RYR2: variants seen among roughly 807,000 people sequenced by gnomAD.
RYR2 encodes cardiac muscle ryanodine receptor-calcium release channel.
In RYR2, 227 loss-of-function variants were observed where a neutral mutation model predicts 601.1. That is an observed-to-expected ratio of 0.38 (90% confidence interval 0.34 to 0.42). RYR2 has a LOEUF of 0.42. RYR2 is among the 10% of genes least tolerant of loss of function. The probability of loss-of-function intolerance (pLI) is 1.00; values close to 1 mark genes in which losing one functional copy is unlikely to be tolerated. For synonymous variants in RYR2, 2,223 were observed against 2,175.1 expected (o/e 1.02, Z -0.61); for missense variants, 4,646 against 6,156.5 (o/e 0.75, Z 8.21).
intron 6 of RYR2, 60 bp downstream of exon 6, chr1:237,369,668 G>A: frequency 7.5e-7 from 1 of 1,329,494 alleles, no homozygotes; most frequent in South Asian, 1.3e-5. Context: ...GGGGTACATG[G>A]TCTGCAAATG....
intron 63 of RYR2, among the ~76,000 whole-genome samples, chr1:237,694,533 A>G (rs1258526231): frequency 6.6e-6 from 1 of 152,162 alleles, no homozygotes; most frequent in African/African-American, 2.4e-5. Context: ...TCCTGGATTT[A>G]ACTTATTATA....
intron 14 of RYR2, among the ~76,000 whole-genome samples, chr1:237,448,792 G>A (rs959547981): frequency 6.6e-6 from 1 of 151,530 alleles, no homozygotes; most frequent in African/African-American, 2.4e-5. Context: ...TATGAACATA[G>A]CCCCTCTAGT....
In RYR2 at chr1:237,491,786, T is replaced by G. The variant is rs1264636176; in HGVS notation, c.1709-20T>G. The G allele has an allele frequency of 8.4e-7, 1 of 1,183,600 alleles. No individual in the cohort carries two copies. The allele number at this position is 1,183,600 out of a possible 1,614,324, so 73.3% of individuals were successfully genotyped here. On this transcript the variant is annotated intron_variant, in intron 17 of 104. Coordinates refer to ENST00000366574, the MANE Select transcript of RYR2 (RefSeq NM_001035.3). ...AATTAATCATGTGTTTTTTTTCCTC[T>G]TTCTTTGTTTTATCTTTAGGCATTC...
intron 63 of RYR2, among the ~76,000 whole-genome samples, chr1:237,693,064 G>A (rs1415877465): frequency 1.3e-5 from 2 of 152,130 alleles, no homozygotes; most frequent in African/African-American, 2.4e-5. Context: ...AGATAAGTAC[G>A]CAGACACTTA....
intron 10 of RYR2, among the ~76,000 whole-genome samples, chr1:237,391,637 A>G (rs1702390437): frequency 6.6e-6 from 1 of 152,144 alleles, no homozygotes; most frequent in Non-Finnish European, 1.5e-5. Context: ...CAGTTATTTA[A>G]TATACATAAC....
intron 17 of RYR2, among the ~76,000 whole-genome samples, chr1:237,489,455 G>A (rs374641867): frequency 1.9e-4 from 29 of 152,242 alleles, no homozygotes; most frequent in East Asian, 9.7e-4. Flanking sequence ...TCAGGAGTTC[G>A]AGACCAGCCT....
chr1:237,575,239 T>C (rs962513363), intron 29 of RYR2, among the ~76,000 whole-genome samples: 1 of 152,208 alleles, frequency 6.6e-6, no homozygotes, highest in Non-Finnish European at 1.5e-5. Context: ...AATAACTTAG[T>C]TGACACTTCA....
chr1:237,353,708 A>C (rs546296928), intron 3 of RYR2, among the ~76,000 whole-genome samples: 8 of 152,118 alleles, frequency 5.3e-5, no homozygotes, highest in African/African-American at 1.9e-4. Flanking sequence ...TTTGAAATGA[A>C]ATTGCTCTTT....
intron 12 of RYR2, among the ~76,000 whole-genome samples, chr1:237,439,658 C>T (rs1707720571): frequency 6.6e-6 from 1 of 151,440 alleles, no homozygotes; most frequent in South Asian, 2.1e-4. Flanking sequence ...AAAAAAAAAT[C>T]ATCATCACGA....
At chr1:237,152,372 A>G (rs1305994567) in intron 1 of RYR2, among the ~76,000 whole-genome samples, 8 of 152,312 alleles carry the variant, frequency 5.3e-5, no homozygotes, top group Admixed American at 4.6e-4. Context: ...TATACCCAGT[A>G]ATGGGATGGC....
intron 29 of RYR2, among the ~76,000 whole-genome samples, chr1:237,579,283 T>C (rs1325651089): frequency 3.8e-4 from 57 of 148,238 alleles, no homozygotes; most frequent in African/African-American, 1.4e-3. Flanking sequence ...TGAGACAGAG[T>C]TTCACTCTTG....
chr1:237,268,719 C>T (rs1276937178), intron 1 of RYR2, among the ~76,000 whole-genome samples: 7 of 151,618 alleles, frequency 4.6e-5, no homozygotes, highest in African/African-American at 7.3e-5. Flanking sequence ...GGGCGGATCA[C>T]GAGGTCAGGA....
At chr1:237,792,398 C>CAT (rs1208052252) in intron 94 of RYR2, 75 bp downstream of exon 94, 7,883 of 489,636 alleles carry the variant, frequency 0.016, 52 homozygotes, top group East Asian at 0.044. Context: ...TGTGTGTGTG[C>CAT]GTGTGTGTGT....
At chr1:237,533,496 G>A (rs1032421254) in intron 25 of RYR2, among the ~76,000 whole-genome samples, 10 of 152,088 alleles carry the variant, frequency 6.6e-5, no homozygotes, top group African/African-American at 2.4e-4. Flanking sequence ...GAATAAGGGG[G>A]TAGTTATAGG....
intron 10 of RYR2, among the ~76,000 whole-genome samples, chr1:237,405,331 T>G (rs7543586): frequency 0.26 from 39,403 of 152,068 alleles, 5,325 homozygotes; most frequent in African/African-American, 0.34. Context: ...AGTGGGGTGA[T>G]CAACTATGTC....
intron 25 of RYR2, among the ~76,000 whole-genome samples, chr1:237,542,495 T>C (rs1272841366): frequency 2.0e-5 from 3 of 152,194 alleles, no homozygotes; most frequent in Non-Finnish European, 4.4e-5. Flanking sequence ...AGGGAGGTCT[T>C]GTTCAGTCGT....
chr1:237,400,196 A>G (rs1703222294), intron 10 of RYR2, among the ~76,000 whole-genome samples: 1 of 152,214 alleles, frequency 6.6e-6, no homozygotes, highest in Non-Finnish European at 1.5e-5. Flanking sequence ...AGGGATTTTT[A>G]TTATTTGTTA....
chr1:237,731,923 A>ACACC (rs1690721953), intron 77 of RYR2, 123 bp from the exon 78 acceptor site: 1 of 309,642 alleles, frequency 3.2e-6, no homozygotes, highest in Non-Finnish European at 5.8e-6. Context: ...CACACACCCC[A>ACACC]CAACAGGGAA....
At chr1:237,569,812 T>C (rs1672475112) in intron 29 of RYR2, among the ~76,000 whole-genome samples, 2 of 152,162 alleles carry the variant, frequency 1.3e-5, no homozygotes, top group African/African-American at 4.8e-5. Flanking sequence ...AGTTTCTGTT[T>C]AGTGGCTAAG....
Sources: gnomAD v4.1 joint callset for allele counts (sites outside exome capture counted in the v4.1 genomes callset) on GRCh38, gnomAD v4.1.1 for gene constraint, MANE v1.5 for transcripts, NCBI Gene and HGNC (gene_info 2026-07-23, HGNC 2026-07-21) for gene names.